PRR13: variants seen among roughly 807,000 people sequenced by gnomAD.
PRR13 encodes proline rich 13.
Under a neutral mutation model 11.5 loss-of-function variants are expected in PRR13, and 7 were observed. The ratio of observed to expected loss-of-function variants is 0.61; its 90% CI spans 0.34 to 1.14. The LOEUF (loss-of-function observed/expected upper bound fraction) is 1.14, where lower values mean the gene tolerates loss of function less well. Ranked by LOEUF, PRR13 falls within the 50% of genes most tolerant of loss-of-function variation. PRR13 has a pLI of 0.03. For missense variants in PRR13, 155 were observed against 194.4 expected, an observed-to-expected ratio of 0.80 and a Z score of 1.21; for synonymous variants, 53 against 67.8, an observed-to-expected ratio of 0.78 and a Z score of 1.07.
In PRR13 at chr12:53,443,481, C is replaced by T. The variant is rs1035120157; in HGVS notation, c.110C>T (p.Pro37Leu). 9 of 1,453,652 alleles carry T rather than the reference C, an allele frequency of 6.2e-6. No individual in the cohort carries two copies. The African/African-American group carries it at 1.1e-4, about 19-fold the overall frequency. The allele number at this position is 1,453,652 out of a possible 1,614,324, so 90.0% of individuals were successfully genotyped here. The part of the protein sequence containing the change: ...AHPPPINPPF[P>L]PGPCPPPPGA... ...CCACCACCTATTAATCCACCCTTTC[C>T]CCCAGGCCCCTGTCCTCCTCCCCCA... Residue 37 changes from proline to leucine, a missense_variant, in exon 3 of 4, where the codon CCC (proline) becomes CTC (leucine). Pro to Leu is a moderately conservative substitution (Grantham distance 98). Transcript: ENST00000429243.
intron 3 of PRR13, among the ~76,000 whole-genome samples, chr12:53,444,394 A>G (rs565705175): frequency 2.3e-4 from 35 of 151,436 alleles, no homozygotes; most frequent in Admixed American, 6.6e-4. Flanking sequence ...CAGTGGCACA[A>G]TCTCGGCTCA....
intron 3 of PRR13, among the ~76,000 whole-genome samples, chr12:53,445,177 T>G (rs1241723294): frequency 2.0e-5 from 3 of 151,834 alleles, no homozygotes; most frequent in African/African-American, 4.8e-5. Flanking sequence ...TGGTGAAACC[T>G]GTCTACTAAA....
chr12:53,443,146 C>T (rs556162385), intron 2 of PRR13: 15 of 430,858 alleles, frequency 3.5e-5, no homozygotes, highest in South Asian at 7.2e-5. Flanking sequence ...CGTGAGCCAC[C>T]GCGCCTGGAC....
chr12:53,442,241 T>G (rs1054782581), intron 1 of PRR13: 1 of 206,746 alleles, frequency 4.8e-6, no homozygotes, highest in Non-Finnish European at 9.8e-6. Context: ...AAGAGACATT[T>G]CTTTTCTTTT....
Position 53,446,014 on chromosome 12 carries a change from G to A in PRR13, c.403-1G>A. On this transcript the variant is annotated splice_acceptor_variant, in intron 3 of 3. Coordinates refer to ENST00000429243, the MANE Select transcript of PRR13 (RefSeq NM_018457.4). LOFTEE classifies it high-confidence loss of function. ...TTCCCCTTTCCCCTTTCCCCTTGCA[G>A]CATTCCTCCTCTTCCTCCTCCTCTT... The A allele has an allele frequency of 6.4e-7, 1 of 1,561,928 alleles. No individual in the cohort carries two copies. The highest frequency in any genetic ancestry group is 1.1e-5 in the South Asian group (1 of 89,184).
chr12:53,443,809 C>A (rs1287837152), intron 3 of PRR13, 36 bp downstream of exon 3: 3 of 1,560,658 alleles, frequency 1.9e-6, no homozygotes, highest in East Asian at 4.7e-5. Flanking sequence ...GGGAAGGAGT[C>A]CCCCCTCAGA....
At chr12:53,443,161 C>T (rs1940329503) in intron 2 of PRR13, 2 of 477,222 alleles carry the variant, frequency 4.2e-6, no homozygotes, top group South Asian at 5.8e-5. Flanking sequence ...CTGGACTGAC[C>T]AGTGCTTTTG....
intron 3 of PRR13, 94 bp from the exon 4 acceptor site, chr12:53,445,921 G>A: frequency 1.3e-6 from 2 of 1,584,884 alleles, no homozygotes; most frequent in Admixed American, 1.7e-5. Flanking sequence ...TACTTGGGTG[G>A]AGGGGTGGGG....
chr12:53,444,162 T>C, intron 3 of PRR13: 1 of 311,718 alleles, frequency 3.2e-6, no homozygotes, highest in East Asian at 5.3e-5. Context: ...CTTATAATAA[T>C]TAACAGAATT....
chr12:53,442,628 C>G, intron 1 of PRR13, 67 bp from the exon 2 acceptor site: 1 of 1,399,050 alleles, frequency 7.1e-7, no homozygotes, highest in Non-Finnish European at 1.0e-6. Context: ...TAGGGCTGGG[C>G]TCCGGTGCTA....
rs1395749022 is a variant in PRR13 at position 53,443,513 on chromosome 12, C to T, written c.142C>T (p.Pro48Ser). The change falls in exon 3 of 4, where the codon CCC (proline) becomes TCC (serine). Residue 48 changes from proline to serine, a missense_variant. By Grantham distance (74) the Pro-to-Ser change is moderately conservative (BLOSUM62 -1). Coordinates refer to ENST00000429243, the MANE Select transcript of PRR13 (RefSeq NM_018457.4). ...PGPCPPPPGAPHGNPAFPPGG... is the reference protein window; with the variant it reads ...PGPCPPPPGASHGNPAFPPGG... ...CCCCTGTCCTCCTCCCCCAGGAGCT[C>T]CCCATGGCAATCCAGCTTTCCCCCC... The T allele has an allele frequency of 1.3e-6, 2 of 1,512,958 alleles. No individual in the cohort carries two copies. The highest frequency in any genetic ancestry group is 4.4e-5 in the Admixed American group (2 of 45,916). The allele number at this position is 1,512,958 out of a possible 1,614,324, so 93.7% of individuals were successfully genotyped here.
At chr12:53,441,867 C>T in intron 1 of PRR13, 75 bp downstream of exon 1, 2 of 699,280 alleles carry the variant, frequency 2.9e-6, no homozygotes, top group Non-Finnish European at 5.2e-6. Context: ...CAGCTTGGGG[C>T]TAGGATCTTC....
At position 53,443,524 on chromosome 12, in the gene PRR13, T is replaced by C. The variant is rs1239320035; in HGVS notation, c.153T>C (p.Asn51=). 1 of 1,536,094 alleles carries C rather than the reference T, an allele frequency of 6.5e-7. No individual in the cohort carries two copies. The change falls in exon 3 of 4, where the codon AAT becomes AAC. Residue 51 remains asparagine, a synonymous_variant. Coordinates refer to ENST00000429243, the MANE Select transcript of PRR13 (RefSeq NM_018457.4). The part of the protein sequence containing the change: ...CPPPPGAPHG[N]PAFPPGGPPH... ...CTCCCCCAGGAGCTCCCCATGGCAATCCAGCTTTCCCCCCAGGTGGGCCCC... is the reference window on the plus strand; with the variant it reads ...CTCCCCCAGGAGCTCCCCATGGCAACCCAGCTTTCCCCCCAGGTGGGCCCC...
rs1224627365 is a variant in PRR13, at chr12:53,446,590, A to G, written c.*531A>G. 6.3e-6 allele frequency: 1 copy of G among 157,796 alleles called. No homozygotes were observed. Among genetic ancestry groups the G allele is most frequent in the Non-Finnish European group, 1.4e-5 (1 of 71,802 alleles). The allele number at this position is 157,796 out of a possible 1,614,324, so 9.8% of individuals were successfully genotyped here. A position where few individuals can be genotyped will look rare whatever the true frequency, so the allele number is the denominator to read the frequency against. On this transcript the variant is annotated 3_prime_UTR_variant, in exon 4 of 4. Transcript: ENST00000429243. ...AACCTTACCTCTCCTCCTTAGCCCA[A>G]TATGCTGTCTTGGGTCCTATTCAAA...
At position 53,443,602 on chromosome 12, in the gene PRR13, CCCT is replaced by C. The variant is rs1940340958; in HGVS notation, c.237_239del (p.Pro80del). 6.2e-7 allele frequency: 1 copy of C among 1,613,268 alleles called. No individual in the cohort carries two copies. Among genetic ancestry groups the C allele is most frequent in the South Asian group, 1.1e-5 (1 of 90,988 alleles). ...CAGGATGCCAACCGTTGGGTCCCTA[CCCT>C]CCTCCATACCCACCGCCTGCCCCTG... On this transcript the variant is annotated inframe_deletion, in exon 3 of 4. Coordinates refer to ENST00000429243, the MANE Select transcript of PRR13 (RefSeq NM_018457.4).
chr12:53,443,348 A>T, intron 2 of PRR13, 43 bp from the exon 3 acceptor site: 2 of 1,333,856 alleles, frequency 1.5e-6, no homozygotes, highest in African/African-American at 1.5e-5. Flanking sequence ...GTTGTTGGAG[A>T]CTCTGGGGAA....
intron 1 of PRR13, 53 bp from the exon 2 acceptor site, chr12:53,442,642 C>A: frequency 6.6e-7 from 1 of 1,506,430 alleles, no homozygotes; most frequent in South Asian, 1.1e-5. Context: ...GGTGCTAAGT[C>A]CACTTCCTAC....
chr12:53,446,159 C>A lies in PRR13; in HGVS notation c.*100C>A, dbSNP rs971508762. 1.3e-5 allele frequency: 20 copies of A among 1,584,580 alleles called. No individual in the cohort carries two copies. In the African/African-American group the frequency reaches 2.5e-4, roughly 20 times the overall value. Reference sequence around the variant, plus strand: ...TGGGGGAATGTAGCCCTTGTGCTCCCCACCCCCTACCTCCACCTGAGCCTC... The same window carrying A: ...TGGGGGAATGTAGCCCTTGTGCTCCACACCCCCTACCTCCACCTGAGCCTC... On this transcript the variant is annotated 3_prime_UTR_variant, in exon 4 of 4. Coordinates refer to ENST00000429243, the MANE Select transcript of PRR13 (RefSeq NM_018457.4).
Position 53,442,696 on chromosome 12 carries a change from C to G in PRR13, c.-19C>G, listed in dbSNP as rs765945617. ...TTTGCCTCATTTCTTTCTCCTCAGG[C>G]TGGAGGACACACCTAAACATGTGGA... On this transcript the variant is annotated splice_region_variant and 5_prime_UTR_variant, in exon 2 of 4. Transcript: ENST00000429243. 2.2e-5 allele frequency: 35 copies of G among 1,608,254 alleles called. No homozygotes were observed. Among genetic ancestry groups the G allele is most frequent in the Admixed American group, 5.0e-5 (3 of 59,978 alleles).
Sources: allele counts gnomAD v4.1 joint callset (sites outside exome capture counted in the v4.1 genomes callset), GRCh38; gene constraint gnomAD v4.1.1; transcripts MANE v1.5; gene names NCBI Gene and HGNC (gene_info 2026-07-23, HGNC 2026-07-21).